Variants in SV2B observed in about 807,000 individuals in gnomAD.
The protein encoded by SV2B is synaptic vesicle glycoprotein 2B, also known as solute carrier family 22 member B2.
In SV2B, 41 loss-of-function variants were observed where a neutral mutation model predicts 73.9. The ratio of observed to expected loss-of-function variants is 0.56; its 90% CI spans 0.43 to 0.72. The LOEUF (loss-of-function observed/expected upper bound fraction) is 0.72. Among genes scored for constraint, SV2B ranks in the 30% least tolerant of loss-of-function variants. SV2B has a pLI of 0.00. For missense variants in SV2B, 764 were observed against 857.8 expected (o/e 0.89, Z 1.37); for synonymous variants, 314 against 314.2 (o/e 1.00, Z 0.01).
chr15:91,211,312 C>T (rs2045850741), intron 1 of SV2B, among the ~76,000 whole-genome samples: 1 of 152,158 alleles, frequency 6.6e-6, no homozygotes, highest in Non-Finnish European at 1.5e-5. Flanking sequence ...GTTTGTCAAC[C>T]TCATGAGAAG....
intron 2 of SV2B, among the ~76,000 whole-genome samples, chr15:91,238,684 A>G (rs1281655158): frequency 6.6e-6 from 1 of 151,682 alleles, no homozygotes; most frequent in Admixed American, 6.6e-5. Context: ...CACCCAGCTG[A>G]TTTCACTGGA....
At position 91,231,121 on chromosome 15, in the gene SV2B, A is replaced by G. The variant is rs961087878; in HGVS notation, c.451+4407A>G. 1.3e-5 allele frequency among the ~76,000 whole-genome samples: 2 copies of G among 152,204 alleles called. No homozygotes were observed. The highest frequency in any genetic ancestry group is 1.3e-4 in the Admixed American group (2 of 15,276). On this transcript the variant is annotated intron_variant, in intron 2 of 12. Transcript: ENST00000394232. The surrounding 1 kb of genome is among the most constrained non-coding windows in gnomAD (Gnocchi z 4.5). The stretch of plus-strand genomic sequence containing the variant: ...TTATGCATTTTCTGGGTATGTAAAA[A>G]AAAAATCACCCGAAGAAATGATTAA...
intron 1 of SV2B, among the ~76,000 whole-genome samples, chr15:91,213,035 C>A (rs992540744): frequency 6.6e-6 from 1 of 151,616 alleles, no homozygotes; most frequent in Non-Finnish European, 1.5e-5. Context: ...CACCTGTAAT[C>A]CCAGCTGCTT....
Position 91,100,443 on chromosome 15 carries a change from C to G in SV2B, c.-392+80C>G, listed in dbSNP as rs1240809362. Reference sequence around the variant, plus strand: ...CCGCGTGCGCCAGGGCTCCCAGACTCGCCTGCCTGGGCTGAAATATACACG... The same window carrying G: ...CCGCGTGCGCCAGGGCTCCCAGACTGGCCTGCCTGGGCTGAAATATACACG... On this transcript the variant is annotated intron_variant, in intron 1 of 12. Coordinates refer to ENST00000394232, the MANE Select transcript of SV2B (RefSeq NM_001323032.3). The surrounding 1 kb of genome is among the most constrained non-coding windows in gnomAD (Gnocchi z 6.4). 1 of 152,376 alleles carries G rather than the reference C, an allele frequency of 6.6e-6. No individual in the cohort carries two copies. Among genetic ancestry groups the G allele is most frequent in the Non-Finnish European group, 1.5e-5 (1 of 68,138 alleles). 9.4% of individuals were successfully genotyped at this position (152,376 alleles called of 1,614,324 possible).
At chr15:91,212,356 T>C (rs1329173420) in intron 1 of SV2B, among the ~76,000 whole-genome samples, 2 of 152,192 alleles carry the variant, frequency 1.3e-5, no homozygotes, top group Non-Finnish European at 2.9e-5. Context: ...TTACTGAAGC[T>C]CCTTTCCAAC....
Position 91,299,026 on chromosome 15 carries a change from CAAGT to C in SV2B, c.*6479_*6482del, listed in dbSNP as rs920614744. Reference sequence around the variant, plus strand: ...TTCGCCACCAAAAATGCAAAAATGACAAGTAAGTGAGGTAACGCATGAGCTAAAT... The same window carrying C: ...TTCGCCACCAAAAATGCAAAAATGACAAGTGAGGTAACGCATGAGCTAAAT... On this transcript the variant is annotated 3_prime_UTR_variant, in exon 13 of 13. Transcript: ENST00000394232. 8.5e-5 allele frequency: 13 copies of C among 152,064 alleles called. No individual in the cohort carries two copies. The highest frequency in any genetic ancestry group is 3.9e-4 in the Admixed American group (6 of 15,268). 9.4% of individuals were successfully genotyped at this position (152,064 alleles called of 1,614,324 possible). A position where few individuals can be genotyped will look rare whatever the true frequency, so the allele number is the denominator to read the frequency against.
chr15:91,127,846 G>A (rs8024171), intron 1 of SV2B, among the ~76,000 whole-genome samples: 132,787 of 152,192 alleles, frequency 0.87, 58,205 homozygotes, highest in East Asian at 0.94. Flanking sequence ...CAGAATTTCT[G>A]TGCTAATTTT....
rs114825672 is a variant in SV2B, at chr15:91,184,490, A to T, written c.-391-41383A>T. 6.8e-3 allele frequency among the ~76,000 whole-genome samples: 1,042 copies of T among 152,268 alleles called. 13 individuals carry two copies. Among genetic ancestry groups the T allele is most frequent in the African/African-American group, 0.023 (940 of 41,546 alleles). On this transcript the variant is annotated intron_variant, in intron 1 of 12. Transcript: ENST00000394232. Reference sequence around the variant, plus strand: ...TTGGGGAAAAATTGGGCTTTGGTTAATGCGCTCTAAAATATCCCCTCTTTA... The same window carrying T: ...TTGGGGAAAAATTGGGCTTTGGTTATTGCGCTCTAAAATATCCCCTCTTTA...
chr15:91,176,807 G>C (rs2141297471), intron 1 of SV2B, among the ~76,000 whole-genome samples: 1 of 151,836 alleles, frequency 6.6e-6, no homozygotes, highest in Admixed American at 6.6e-5. Context: ...TGTCGGATGA[G>C]TAGGTTGCGA....
chr15:91,132,693 C>T lies in SV2B; in HGVS notation c.-392+32330C>T, dbSNP rs1338461433. Reference sequence around the variant, plus strand: ...GGTTTTTTGCCTCCAGACCCTATTTCTCCTGCCTCAGTGGCACATGCCTGT... The same window carrying T: ...GGTTTTTTGCCTCCAGACCCTATTTTTCCTGCCTCAGTGGCACATGCCTGT... On this transcript the variant is annotated intron_variant, in intron 1 of 12. Coordinates refer to ENST00000394232, the MANE Select transcript of SV2B (RefSeq NM_001323032.3). This position sits in a 1 kb window ranked among gnomAD's most constrained non-coding sequence, Gnocchi z 4.6. Among the ~76,000 whole-genome samples, 1 of 151,992 alleles carries T rather than the reference C, an allele frequency of 6.6e-6. No individual in the cohort carries two copies. Among genetic ancestry groups the T allele is most frequent in the African/African-American group, 2.4e-5 (1 of 41,352 alleles).
intron 9 of SV2B, among the ~76,000 whole-genome samples, chr15:91,278,860 C>T: frequency 6.6e-6 from 1 of 151,954 alleles, no homozygotes; most frequent in African/African-American, 2.4e-5. Flanking sequence ...GGTGCCTGTT[C>T]TTAAGAACTC....
intron 1 of SV2B, among the ~76,000 whole-genome samples, chr15:91,103,367 G>A (rs981919903): frequency 6.6e-6 from 1 of 152,084 alleles, no homozygotes; most frequent in Non-Finnish European, 1.5e-5. Context: ...TAAAAGAAAA[G>A]GTCATCTTTA....
intron 1 of SV2B, among the ~76,000 whole-genome samples, chr15:91,109,315 G>A (rs1484177613): frequency 6.6e-6 from 1 of 152,236 alleles, no homozygotes; most frequent in Non-Finnish European, 1.5e-5. Context: ...TGAATCACAG[G>A]TGTCTGGATT....
chr15:91,286,437 TC>T (rs530283083), intron 11 of SV2B, among the ~76,000 whole-genome samples: 406 of 152,290 alleles, frequency 2.7e-3, no homozygotes, highest in African/African-American at 7.8e-3. Flanking sequence ...CATTTATTCA[TC>T]CAATAACATT....
rs28449628 is a variant in SV2B at position 91,109,953 on chromosome 15, T to C, written c.-392+9590T>C. 9.7e-3 allele frequency among the ~76,000 whole-genome samples: 1,479 copies of C among 152,174 alleles called. 18 individuals are homozygous for C. The highest frequency in any genetic ancestry group is 0.032 in the African/African-American group (1,312 of 41,530). ...GTCTCATTATATTGCCCAGGCTGGA[T>C]TTCCCAAGCAATCCTCCAGGCTTGG... On this transcript the variant is annotated intron_variant, in intron 1 of 12. Transcript: ENST00000394232.
intron 1 of SV2B, among the ~76,000 whole-genome samples, chr15:91,149,946 G>A (rs527291101): frequency 2.8e-4 from 43 of 152,200 alleles, no homozygotes; most frequent in Non-Finnish European, 4.6e-4. Flanking sequence ...TCTGATGGGA[G>A]TATGTAGCGC....
rs2041870039 is a variant in SV2B at position 91,105,935 on chromosome 15, GC to G, written c.-392+5573del. ...GTGGTGGCACATGCCTGTAGCCCTAGCTACTCGGGAGTCTGAGGTGGGAGGA... is the reference window on the plus strand; with the variant it reads ...GTGGTGGCACATGCCTGTAGCCCTAGTACTCGGGAGTCTGAGGTGGGAGGA... On this transcript the variant is annotated intron_variant, in intron 1 of 12. Coordinates refer to ENST00000394232, the MANE Select transcript of SV2B (RefSeq NM_001323032.3). The surrounding 1 kb of genome is among the most constrained non-coding windows in gnomAD (Gnocchi z 5.5). Among the ~76,000 whole-genome samples, 1 of 152,146 alleles carries G rather than the reference GC, an allele frequency of 6.6e-6. No homozygotes were observed. The highest frequency in any genetic ancestry group is 2.4e-5 in the African/African-American group (1 of 41,416).
chr15:91,287,335 C>T (rs1406701369), intron 11 of SV2B, among the ~76,000 whole-genome samples: 2 of 152,184 alleles, frequency 1.3e-5, no homozygotes, highest in East Asian at 1.9e-4. Flanking sequence ...AACCTTCCTC[C>T]TGCAGGGTCC....
intron 1 of SV2B, among the ~76,000 whole-genome samples, chr15:91,151,390 G>T (rs1369551042): frequency 6.6e-6 from 1 of 152,200 alleles, no homozygotes; most frequent in Non-Finnish European, 1.5e-5. Flanking sequence ...GAAAGATAAA[G>T]AGTACCTCCA....
Sources: allele counts gnomAD v4.1 joint callset (sites outside exome capture counted in the v4.1 genomes callset), GRCh38; gene constraint gnomAD v4.1.1; non-coding constraint Gnocchi (gnomAD v3.1); transcripts MANE v1.5; gene names NCBI Gene and HGNC (gene_info 2026-07-23, HGNC 2026-07-21).